The following SOX7 variants were observed in gnomAD, a reference collection of about 807,000 sequenced individuals.
SOX7 encodes the protein transcription factor SOX-7.
A neutral mutation model predicts 24.9 loss-of-function variants in SOX7; 19 were observed. That is an observed-to-expected ratio of 0.76 (90% confidence interval 0.53 to 1.12). The LOEUF is 1.12. SOX7 is among the 50% of genes most tolerant of loss of function. SOX7 has a pLI of 0.00. For synonymous variants in SOX7, 327 were observed against 244.5 expected, an observed-to-expected ratio of 1.34 and a Z score of -3.15; for missense variants, 702 against 535.0, an observed-to-expected ratio of 1.31 and a Z score of -3.08.
Position 10,723,864 on chromosome 8 carries a change from C to T in SOX7, c.*1874G>A, listed in dbSNP as rs888852542. ...GAGTTGTTCTTTCAAAAAAACGAAA[C>T]AGTTTAGCTTAATGTCTGTGATACT... is the stretch of plus-strand genomic sequence containing the variant. On this transcript the variant is annotated 3_prime_UTR_variant, in exon 2 of 2. Transcript: ENST00000304501. 1 of 152,574 alleles carries T rather than the reference C, an allele frequency of 6.6e-6. No homozygotes were observed. The highest frequency in any genetic ancestry group is 2.4e-5 in the African/African-American group (1 of 41,440). 9.5% of individuals were successfully genotyped at this position (152,574 alleles called of 1,614,324 possible).
chr8:10,725,317 T>TGG lies in SOX7; in HGVS notation c.*420_*421insCC, dbSNP rs1800120445. 4.8e-6 allele frequency: 1 copy of TGG among 208,302 alleles called. No individual in the cohort carries two copies. The highest frequency in any genetic ancestry group is 9.7e-6 in the Non-Finnish European group (1 of 102,954). 12.9% of individuals were successfully genotyped at this position (208,302 alleles called of 1,614,324 possible). On this transcript the variant is annotated 3_prime_UTR_variant, in exon 2 of 2. Transcript: ENST00000304501. ...ACCAGATCGTAGGTTAGCGAGCTCA[T>TGG]TAATGAGTCAAATTTCCCCATCTTC... is the stretch of plus-strand genomic sequence containing the variant.
In SOX7 at chr8:10,730,464, G is replaced by A; in HGVS notation, c.-31C>T. 1 of 1,400,204 alleles carries A rather than the reference G, an allele frequency of 7.1e-7. No individual in the cohort carries two copies. Among genetic ancestry groups the A allele is most frequent in the African/African-American group, 1.5e-5 (1 of 65,444 alleles). 86.7% of individuals were successfully genotyped at this position (1,400,204 alleles called of 1,614,324 possible). A position where few individuals can be genotyped will look rare whatever the true frequency, so the allele number is the denominator to read the frequency against. Reference sequence around the variant, plus strand: ...CACGCGGGTCGCCTCGCTTCGCCTGGCGGGGCAGGCGCGGACCTGGCCCTC... The same window carrying A: ...CACGCGGGTCGCCTCGCTTCGCCTGACGGGGCAGGCGCGGACCTGGCCCTC... On this transcript the variant is annotated 5_prime_UTR_variant, in exon 1 of 2. Transcript: ENST00000304501. This position sits in a 1 kb window ranked among gnomAD's most constrained non-coding sequence, Gnocchi z 4.8.
At chr8:10,727,297 G>C (rs899290896) in intron 1 of SOX7, among the ~76,000 whole-genome samples, 22 of 152,144 alleles carry the variant, frequency 1.4e-4, no homozygotes, top group African/African-American at 5.3e-4. Context: ...AGGCCAGAAT[G>C]CTAGCATCTG....
In SOX7 at chr8:10,726,109, G is replaced by C. The variant is rs1398526232; in HGVS notation, c.796C>G (p.Pro266Ala). 6.4e-7 allele frequency: 1 copy of C among 1,569,670 alleles called. No individual in the cohort carries two copies. Among genetic ancestry groups the C allele is most frequent in the Admixed American group, 1.8e-5 (1 of 55,234 alleles). Residue 266 changes from proline (P) to alanine (A), a missense_variant, in exon 2 of 2, where the codon CCC becomes GCC. Coordinates refer to ENST00000304501, the MANE Select transcript of SOX7 (RefSeq NM_031439.4). ...PLGSLALGQS[P>A]GVSMMSPVPG... ...ACAGGGGACATCATGGAGACGCCGG[G>C]GGACTGGCCAAGGGCCAGGGAGCCC...
At chr8:10,729,434 C>A (rs1339672706) in intron 1 of SOX7, 3 of 152,158 alleles carry the variant, frequency 2.0e-5, no homozygotes, top group Non-Finnish European at 2.9e-5. Flanking sequence ...AAAAAAGAAA[C>A]CCCCATAGGA....
intron 1 of SOX7, 68 bp from the exon 2 acceptor site, chr8:10,726,734 G>A (rs1035864910): frequency 1.6e-5 from 22 of 1,403,234 alleles, no homozygotes; most frequent in South Asian, 1.2e-4. Flanking sequence ...ATGCACACGC[G>A]TGCACACACA....
In SOX7 at chr8:10,724,686, C is replaced by G. The variant is rs994015672; in HGVS notation, c.*1052G>C. ...TTGCATGAAGTGGGCATGTGTCTCTCACACTCCTGGTATACATTCAGACTG... is the reference window on the plus strand; with the variant it reads ...TTGCATGAAGTGGGCATGTGTCTCTGACACTCCTGGTATACATTCAGACTG... On this transcript the variant is annotated 3_prime_UTR_variant, in exon 2 of 2. Transcript: ENST00000304501. 7.3e-5 allele frequency: 11 copies of G among 151,486 alleles called. No homozygotes were observed. Among genetic ancestry groups the G allele is most frequent in the Non-Finnish European group, 1.3e-4 (9 of 67,966 alleles). The allele number at this position is 151,486 out of a possible 1,614,324, so 9.4% of individuals were successfully genotyped here.
At position 10,730,333 on chromosome 8, in the gene SOX7, C is replaced by CG; in HGVS notation, c.100dup (p.Arg34ProfsTer131). On this transcript the variant is annotated frameshift_variant, in exon 1 of 2. Coordinates refer to ENST00000304501, the MANE Select transcript of SOX7 (RefSeq NM_031439.4). LOFTEE classifies it high-confidence loss of function. This position sits in a 1 kb window ranked among gnomAD's most constrained non-coding sequence, Gnocchi z 4.8. ...CTCGGAGCCCTTGTCCCCCGGGGGCCGGGGGACGGCCGGCGGCGATTGTCC... is the reference window on the plus strand; with the variant it reads ...CTCGGAGCCCTTGTCCCCCGGGGGCCGGGGGGACGGCCGGCGGCGATTGTCC... 4 of 1,566,408 alleles carry CG rather than the reference C, an allele frequency of 2.6e-6. No individual in the cohort carries two copies. The highest frequency in any genetic ancestry group is 3.4e-6 in the Non-Finnish European group (4 of 1,160,466).
chr8:10,726,639 G>C lies in SOX7; in HGVS notation c.266C>G (p.Ser89Cys). 17 of 1,590,068 alleles carry C rather than the reference G, an allele frequency of 1.1e-5. No individual in the cohort carries two copies. The highest frequency in any genetic ancestry group is 1.3e-5 in the Non-Finnish European group (15 of 1,171,888). ...LGKSWKALTL[S>C]QKRPYVDEAE... ...CTCGTCCACGTACGGCCTCTTCTGG[G>C]ACAGCGTCAGCGCCTTCCACGACTT... Residue 89 changes from serine to cysteine, a missense_variant, in exon 2 of 2, where the codon TCC (serine) becomes TGC (cysteine). By Grantham distance (112) the Ser-to-Cys change is moderately radical. Coordinates refer to ENST00000304501, the MANE Select transcript of SOX7 (RefSeq NM_031439.4).
rs367782862 is a variant in SOX7, at chr8:10,725,719, G to C, written c.*19C>G. On this transcript the variant is annotated 3_prime_UTR_variant, in exon 2 of 2. Coordinates refer to ENST00000304501, the MANE Select transcript of SOX7 (RefSeq NM_031439.4). ...GAAGGAGAGGGCGCGAGGGCTGACCGGACGGGGCGCCTCCAGCTCTATGAC... is the reference window on the plus strand; with the variant it reads ...GAAGGAGAGGGCGCGAGGGCTGACCCGACGGGGCGCCTCCAGCTCTATGAC... 2 of 1,613,754 alleles carry C rather than the reference G, an allele frequency of 1.2e-6. No individual in the cohort carries two copies. The highest frequency in any genetic ancestry group is 4.5e-5 in the East Asian group (2 of 44,860).
In SOX7 at chr8:10,725,039, C is replaced by T. The variant is rs997489956; in HGVS notation, c.*699G>A. On this transcript the variant is annotated 3_prime_UTR_variant, in exon 2 of 2. Coordinates refer to ENST00000304501, the MANE Select transcript of SOX7 (RefSeq NM_031439.4). ...GCCCGGCCTAGACTGTGCATATTCT[C>T]TTGAAGTGTGTGTATAATAAACAAA... The T allele has an allele frequency of 4.6e-5, 7 of 152,524 alleles. No individual in the cohort carries two copies. Among genetic ancestry groups the T allele is most frequent in the African/African-American group, 1.5e-4 (6 of 41,370 alleles). 9.4% of individuals were successfully genotyped at this position (152,524 alleles called of 1,614,324 possible). A position where few individuals can be genotyped will look rare whatever the true frequency, so the allele number is the denominator to read the frequency against.
chr8:10,729,158 G>C (rs1800211419), intron 1 of SOX7, among the ~76,000 whole-genome samples: 1 of 152,178 alleles, frequency 6.6e-6, no homozygotes, highest in African/African-American at 2.4e-5. Flanking sequence ...TTAGCCAGCA[G>C]AAAGAGGGGC....
In SOX7 at chr8:10,726,534, C is replaced by T; in HGVS notation, c.371G>A (p.Arg124Gln). 1.2e-6 allele frequency: 2 copies of T among 1,612,596 alleles called. No homozygotes were observed. The highest frequency in any genetic ancestry group is 1.7e-6 in the Non-Finnish European group (2 of 1,179,968). ...YRPRRKKQAK[R>Q]LCKRVDPGFL... ...GCCCGGGTCCACGCGCTTGCACAGC[C>T]GCTTGGCCTGCTTCTTCCTGCGCGG... The change falls in exon 2 of 2, where the codon CGG becomes CAG. Residue 124 changes from arginine to glutamine, a missense_variant. Coordinates refer to ENST00000304501, the MANE Select transcript of SOX7 (RefSeq NM_031439.4).
At chr8:10,729,048 C>T (rs888012736) in intron 1 of SOX7, among the ~76,000 whole-genome samples, 1 of 152,256 alleles carries the variant, frequency 6.6e-6, no homozygotes, top group African/African-American at 2.4e-5. Context: ...AGCCGGCCAC[C>T]AGGCTGGGCC....
chr8:10,726,406 G>T lies in SOX7; in HGVS notation c.499C>A (p.Pro167Thr), dbSNP rs769524306. The T allele has an allele frequency of 6.2e-7, 1 of 1,612,230 alleles. No individual in the cohort carries two copies. The highest frequency in any genetic ancestry group is 2.2e-5 in the East Asian group (1 of 44,848). The change falls in exon 2 of 2, where the codon CCC (proline) becomes ACC (threonine). Residue 167 changes from proline (P) to threonine (T), a missense_variant. Pro to Thr is a conservative substitution (Grantham distance 38, BLOSUM62 -1). Transcript: ENST00000304501. Reference sequence around the variant, plus strand: ...CGGAGGCTGGGCAGGGCAGTGCCGGGGGAGTACTCACCCCTGTCCTCCTTC... The same window carrying T: ...CGGAGGCTGGGCAGGGCAGTGCCGGTGGAGTACTCACCCCTGTCCTCCTTC... ...GEKEDRGEYS[P>T]GTALPSLRGC... is the part of the protein sequence containing the mutation.
Position 10,726,236 on chromosome 8 carries a change from G to A in SOX7, c.669C>T (p.Pro223=), listed in dbSNP as rs773000710. The change falls in exon 2 of 2, where the codon CCC becomes CCT. Residue 223 remains proline, a synonymous_variant. Coordinates refer to ENST00000304501, the MANE Select transcript of SOX7 (RefSeq NM_031439.4). ...GGGGATGGCCATGCTCCTCCTGGCA[G>A]GGGGAGGAGAAGAAGGTCTGCTCCG... ...LEPEQTFFSS[P]CQEEHGHPRR... is the part of the protein sequence containing the mutation. 6.8e-6 allele frequency: 11 copies of A among 1,613,668 alleles called. No homozygotes were observed. Among genetic ancestry groups the A allele is most frequent in the African/African-American group, 1.3e-5 (1 of 74,898 alleles).
At position 10,725,896 on chromosome 8, in the gene SOX7, T is replaced by A. The variant is rs767666278; in HGVS notation, c.1009A>T (p.Asn337Tyr). Residue 337 changes from asparagine (N) to tyrosine (Y), a missense_variant, in exon 2 of 2, where the codon AAC (asparagine) becomes TAC (tyrosine). Asn to Tyr is a moderately radical substitution (Grantham distance 143, BLOSUM62 -2). Transcript: ENST00000304501. ...MDRNEFDQYL[N>Y]TPGHPDSATG... The stretch of plus-strand genomic sequence containing the variant: ...GCGGAGTCTGGGTGGCCAGGAGTGT[T>A]CAAATACTGGTCGAATTCATTGCGA... 1 of 1,614,078 alleles carries A rather than the reference T, an allele frequency of 6.2e-7. No individual in the cohort carries two copies. Among genetic ancestry groups the A allele is most frequent in the South Asian group, 1.1e-5 (1 of 91,080 alleles).
chr8:10,727,806 G>C (rs1021989706), intron 1 of SOX7, among the ~76,000 whole-genome samples: 1 of 152,160 alleles, frequency 6.6e-6, no homozygotes. Flanking sequence ...TTTGAGACCC[G>C]CTAGCCTAGA....
chr8:10,726,410 G>A lies in SOX7; in HGVS notation c.495C>T (p.Tyr165=). 1.9e-6 allele frequency: 3 copies of A among 1,612,294 alleles called. No homozygotes were observed. The highest frequency in any genetic ancestry group is 2.5e-6 in the Non-Finnish European group (3 of 1,179,436). ...GGCTGGGCAGGGCAGTGCCGGGGGA[G>A]TACTCACCCCTGTCCTCCTTCTCCC... ...ALGEKEDRGE[Y]SPGTALPSLR... The change falls in exon 2 of 2, where the codon TAC becomes TAT. Residue 165 remains tyrosine (Y), a synonymous_variant. Transcript: ENST00000304501.
Sources: gnomAD v4.1 joint callset for allele counts (sites outside exome capture counted in the v4.1 genomes callset) on GRCh38, gnomAD v4.1.1 for gene constraint, Gnocchi (gnomAD v3.1) non-coding constraint, MANE v1.5 for transcripts, NCBI Gene and HGNC (gene_info 2026-07-23, HGNC 2026-07-21) for gene names.